KCTD19: variants seen among roughly 807,000 people sequenced by gnomAD.
KCTD19 encodes the protein potassium channel tetramerization domain containing 19, also known as BTB/POZ domain-containing protein KCTD19.
A neutral mutation model predicts 103.5 loss-of-function variants in KCTD19; 67 were observed. The observed-to-expected ratio is 0.65, with a 90% CI of 0.53 to 0.79. The LOEUF is 0.79. Among genes scored for constraint, KCTD19 ranks in the 30% least tolerant of loss-of-function variants. KCTD19 has a pLI of 0.00. For synonymous variants in KCTD19, 439 were observed against 452.2 expected, an observed-to-expected ratio of 0.97 and a Z score of 0.37; for missense variants, 980 against 1,136.1, an observed-to-expected ratio of 0.86 and a Z score of 1.98.
At chr16:67,321,006 C>T in intron 1 of KCTD19, 121 bp from the exon 2 acceptor site, 1 of 901,880 alleles carries the variant, frequency 1.1e-6, no homozygotes, top group South Asian at 1.8e-5. Flanking sequence ...ATAAAAAATC[C>T]TAAGGAATTC....
intron 1 of KCTD19, among the ~76,000 whole-genome samples, chr16:67,322,709 G>A (rs1230526621): frequency 1.3e-5 from 2 of 152,090 alleles, no homozygotes; most frequent in Non-Finnish European, 2.9e-5. Flanking sequence ...ATAGATAAAT[G>A]GAACTTAATC....
At chr16:67,315,560 T>A (rs1421686471) in intron 2 of KCTD19, among the ~76,000 whole-genome samples, 1 of 152,008 alleles carries the variant, frequency 6.6e-6, no homozygotes, top group Admixed American at 6.6e-5. Context: ...CTGCTCACTG[T>A]AACCTCCGCC....
intron 6 of KCTD19, 109 bp downstream of exon 6, chr16:67,299,254 C>T: frequency 1.0e-6 from 1 of 995,730 alleles, no homozygotes; most frequent in South Asian, 1.4e-5. Flanking sequence ...TGGGCTGGCC[C>T]CAAGGACACA....
intron 10 of KCTD19, 50 bp downstream of exon 10, chr16:67,294,923 A>T (rs1235808718): frequency 2.8e-6 from 4 of 1,411,026 alleles, no homozygotes; most frequent in Non-Finnish European, 4.0e-6. Flanking sequence ...TTTCAAGAGG[A>T]ATTTAAAGGA....
chr16:67,309,510 T>C (rs2036928762), intron 2 of KCTD19, among the ~76,000 whole-genome samples: 3 of 152,090 alleles, frequency 2.0e-5, no homozygotes, highest in Admixed American at 6.6e-5. Flanking sequence ...GTAGGCAAAG[T>C]AGCAAGAAAA....
intron 5 of KCTD19, 126 bp from the exon 6 acceptor site, chr16:67,299,699 T>G (rs1485811877): frequency 1.4e-6 from 1 of 707,718 alleles, no homozygotes. Flanking sequence ...GATATTTCTT[T>G]GCACAGTCCA....
rs1049149338 is a variant in KCTD19, at chr16:67,323,061, T to G, written c.4-2176A>C. 3.9e-5 allele frequency among the ~76,000 whole-genome samples: 6 copies of G among 152,134 alleles called. No individual in the cohort carries two copies. The highest frequency in any genetic ancestry group is 8.8e-5 in the Non-Finnish European group (6 of 68,022). On this transcript the variant is annotated intron_variant, in intron 1 of 15. Transcript: ENST00000304372. The surrounding 1 kb of genome is among the most constrained non-coding windows in gnomAD (Gnocchi z 4.1). ...AATGAAAACAATAGGTAATAACAAG[T>G]GTCGACAAAGAAACCAGAACCCCCA...
At chr16:67,313,973 C>T (rs960979417) in intron 2 of KCTD19, among the ~76,000 whole-genome samples, 2 of 152,100 alleles carry the variant, frequency 1.3e-5, no homozygotes, top group African/African-American at 4.8e-5. Context: ...CCTCTGGCTT[C>T]AGCCTTCTGA....
At chr16:67,317,409 C>T (rs965487709) in intron 2 of KCTD19, among the ~76,000 whole-genome samples, 4 of 151,196 alleles carry the variant, frequency 2.6e-5, no homozygotes, top group Admixed American at 1.3e-4. Context: ...AACCAGAAAA[C>T]GGAGGTTGCC....
chr16:67,289,456 A>G lies in KCTD19; in HGVS notation c.*113T>C, dbSNP rs901009776. On this transcript the variant is annotated 3_prime_UTR_variant, in exon 16 of 16. Coordinates refer to ENST00000304372, the MANE Select transcript of KCTD19 (RefSeq NM_001100915.3). ...GTGTGATTTAATCTTTTATTTGTTT[A>G]TAATAAAAAATAGACTGATATGTAC... is the stretch of plus-strand genomic sequence containing the variant. 1.7e-6 allele frequency: 1 copy of G among 579,054 alleles called. No individual in the cohort carries two copies. The highest frequency in any genetic ancestry group is 3.1e-6 in the Non-Finnish European group (1 of 323,012). 35.9% of individuals were successfully genotyped at this position (579,054 alleles called of 1,614,324 possible). A position where few individuals can be genotyped will look rare whatever the true frequency, so the allele number is the denominator to read the frequency against.
At position 67,293,567 on chromosome 16, in the gene KCTD19, C is replaced by T. The variant is rs73592842; in HGVS notation, c.2195G>A (p.Ser732Asn). 1,670 of 1,614,102 alleles carry T rather than the reference C, an allele frequency of 1.0e-3. 8 individuals carry two copies. The African/African-American group carries it at 0.016, about 15-fold the overall frequency. Reference sequence around the variant, plus strand: ...ACCTCTCTCCTTGGTCCTCTGCTTGCTCCAGTCCTTCAGGGTGCCAGCTCT... The same window carrying T: ...ACCTCTCTCCTTGGTCCTCTGCTTGTTCCAGTCCTTCAGGGTGCCAGCTCT... ...PKRAGTLKDW[S>N]KQRTKERESP... Residue 732 changes from serine to asparagine, a missense_variant, in exon 12 of 16, where the codon AGC becomes AAC. By Grantham distance (46) the Ser-to-Asn change is conservative. Transcript: ENST00000304372. This position sits in a 1 kb window ranked among gnomAD's most constrained non-coding sequence, Gnocchi z 4.0.
In KCTD19 at chr16:67,297,653, C is replaced by G. The variant is rs1320603691; in HGVS notation, c.997G>C (p.Gly333Arg). The G allele has an allele frequency of 1.2e-6, 2 of 1,613,806 alleles. No homozygotes were observed. The highest frequency in any genetic ancestry group is 2.2e-5 in the East Asian group (1 of 44,880). ...TCTGTCAGGGGCAGCCGGCAAGTCC[C>G]CAGCCAGTTCCTGCCCAGAGGAAAG... is the stretch of plus-strand genomic sequence containing the variant. ...VLFQHVKNWL[G>R]TCRLPLTETI... is the part of the protein sequence containing the mutation. The change falls in exon 7 of 16, where the codon GGG (glycine) becomes CGG (arginine). Residue 333 changes from glycine (G) to arginine (R), a missense_variant. Transcript: ENST00000304372.
chr16:67,316,665 T>C (rs750127279), intron 2 of KCTD19, among the ~76,000 whole-genome samples: 10 of 152,218 alleles, frequency 6.6e-5, no homozygotes, highest in Non-Finnish European at 1.3e-4. Flanking sequence ...CAGGAAGCAC[T>C]GTTTTAATTG....
At chr16:67,314,830 T>TAGAGAGAGAGAGAGAGAG (rs71145965) in intron 2 of KCTD19, among the ~76,000 whole-genome samples, 1 of 33,652 alleles carries the variant, frequency 3.0e-5, no homozygotes, top group Non-Finnish European at 4.4e-5. Flanking sequence ...TATATATATA[T>TAGAGAGAGAGAGAGAGAG]AGAGAGAGAG....
At chr16:67,314,434 T>C (rs1265609414) in intron 2 of KCTD19, among the ~76,000 whole-genome samples, 1 of 152,076 alleles carries the variant, frequency 6.6e-6, no homozygotes, top group Admixed American at 6.6e-5. Flanking sequence ...TCACTGCTCA[T>C]TCTCCATTCT....
intron 4 of KCTD19, 175 bp downstream of exon 4, chr16:67,302,971 C>T (rs1260756578): frequency 8.1e-6 from 5 of 616,734 alleles, no homozygotes; most frequent in African/African-American, 1.9e-5. Context: ...TAGTGAGATT[C>T]TAATGCTGGA....
intron 14 of KCTD19, 27 bp from the exon 15 acceptor site, chr16:67,291,013 G>C (rs768697990): frequency 6.2e-7 from 1 of 1,609,278 alleles, no homozygotes; most frequent in African/African-American, 1.3e-5. Flanking sequence ...CAGTCAGGCA[G>C]TGCTAGGGCA....
At chr16:67,326,657 T>C in intron 1 of KCTD19, 48 bp downstream of exon 1, 1 of 1,567,764 alleles carries the variant, frequency 6.4e-7, no homozygotes, top group African/African-American at 1.4e-5. Context: ...GCGGCCCCCA[T>C]TCGCCGCTTT....
At chr16:67,306,310 G>A (rs1399719239) in intron 2 of KCTD19, among the ~76,000 whole-genome samples, 1 of 152,190 alleles carries the variant, frequency 6.6e-6, no homozygotes, top group Non-Finnish European at 1.5e-5. Context: ...CTGTCACCCA[G>A]GCTGGAGTGC....
Sources: gnomAD v4.1 joint callset for allele counts (sites outside exome capture counted in the v4.1 genomes callset) on GRCh38, gnomAD v4.1.1 for gene constraint, Gnocchi (gnomAD v3.1) non-coding constraint, MANE v1.5 for transcripts, NCBI Gene and HGNC (gene_info 2026-07-23, HGNC 2026-07-21) for gene names.